Variants in TP63 observed in about 807,000 individuals in gnomAD.
TP63 encodes tumor protein 63.
Under a neutral mutation model 82.8 loss-of-function variants are expected in TP63, and 17 were observed. That is an observed-to-expected ratio of 0.21 (90% confidence interval 0.14 to 0.31). TP63 has a LOEUF of 0.31. Ranked by LOEUF, TP63 falls within the 10% of genes least tolerant of loss-of-function variation. TP63 has a pLI of 1.00. For synonymous variants in TP63, 330 were observed against 321.7 expected, an observed-to-expected ratio of 1.03 and a Z score of -0.28; for missense variants, 648 against 895.3, an observed-to-expected ratio of 0.72 and a Z score of 3.52.
At chr3:189,855,584 A>G (rs1036271347) in intron 4 of TP63, among the ~76,000 whole-genome samples, 1 of 152,128 alleles carries the variant, frequency 6.6e-6, no homozygotes, top group African/African-American at 2.4e-5. Context: ...TCCCTTTTTA[A>G]TACTGTGACA....
At chr3:189,608,065 T>A in the TP63 span, among the ~76,000 whole-genome samples, 1 of 152,196 alleles carries the variant, frequency 6.6e-6, no homozygotes, top group Admixed American at 6.5e-5. Flanking sequence ...GGTTATAAGT[T>A]CATTAATTAC....
intron 4 of TP63, among the ~76,000 whole-genome samples, chr3:189,816,904 A>G (rs1424565428): frequency 6.6e-6 from 1 of 152,124 alleles, no homozygotes; most frequent in East Asian, 1.9e-4. Context: ...GAGACCCTAG[A>G]TCTAATTTAT....
intron 3 of TP63, among the ~76,000 whole-genome samples, chr3:189,755,403 T>G (rs986926609): frequency 2.6e-5 from 4 of 152,086 alleles, no homozygotes. Flanking sequence ...CTATGAACAT[T>G]TTTGGGGTTT....
chr3:189,843,438 C>T (rs780311351), intron 4 of TP63, among the ~76,000 whole-genome samples: 8 of 152,146 alleles, frequency 5.3e-5, no homozygotes, highest in African/African-American at 1.9e-4. Context: ...TGGCAACAGG[C>T]GGCCCTTTGG....
At chr3:189,632,440 G>T (rs1004066493) in intron 1 of TP63, among the ~76,000 whole-genome samples, 1 of 152,074 alleles carries the variant, frequency 6.6e-6, no homozygotes, top group Non-Finnish European at 1.5e-5. Flanking sequence ...CTCTGGGCAG[G>T]ACTCACTTAC....
At chr3:189,738,501 C>T (rs1170096705) in intron 2 of TP63, 141 bp from the exon 3 acceptor site, 1 of 1,242,152 alleles carries the variant, frequency 8.1e-7, no homozygotes, top group Non-Finnish European at 1.1e-6. Context: ...TGAGCCAGGA[C>T]TCAAACCTAG....
intron 1 of TP63, among the ~76,000 whole-genome samples, chr3:189,635,896 A>G (rs1283654453): frequency 6.6e-6 from 1 of 152,118 alleles, no homozygotes; most frequent in Non-Finnish European, 1.5e-5. Flanking sequence ...AGTAATTAAT[A>G]ATATAATTTT....
chr3:189,825,310 T>G (rs1433558279), intron 4 of TP63, among the ~76,000 whole-genome samples: 2 of 152,208 alleles, frequency 1.3e-5, no homozygotes, highest in African/African-American at 4.8e-5. Flanking sequence ...TACACCCTGT[T>G]GGAGTTTGAG....
chr3:189,694,933 G>A lies in TP63; in HGVS notation c.63-42807G>A, dbSNP rs149171041. Among the ~76,000 whole-genome samples the A allele has an allele frequency of 7.1e-3, 1,065 of 150,136 alleles. 4 individuals are homozygous for A. The highest frequency in any genetic ancestry group is 0.013 in the Non-Finnish European group (851 of 67,604). On this transcript the variant is annotated intron_variant, in intron 1 of 13. Coordinates refer to ENST00000264731, the MANE Select transcript of TP63 (RefSeq NM_003722.5). Reference sequence around the variant, plus strand: ...TGATTCTCCTGCCTCAGCCTCCTGAGTAGCTGGGATTACACACGCCCGCCA... The same window carrying A: ...TGATTCTCCTGCCTCAGCCTCCTGAATAGCTGGGATTACACACGCCCGCCA...
chr3:189,874,367 G>T (rs927046635), intron 10 of TP63, among the ~76,000 whole-genome samples: 2 of 152,078 alleles, frequency 1.3e-5, no homozygotes, highest in South Asian at 4.2e-4. Context: ...CCACCGTGCC[G>T]GCCTTGTTAT....
At chr3:189,868,549 A>G (rs1212969046) in intron 7 of TP63, 31 bp from the exon 8 acceptor site, 2 of 1,613,020 alleles carry the variant, frequency 1.2e-6, no homozygotes, top group Non-Finnish European at 1.7e-6. Context: ...TTTGAATTTA[A>G]CTCTTTCTTC....
intron 3 of TP63, among the ~76,000 whole-genome samples, chr3:189,757,808 C>T (rs1362539819): frequency 6.6e-6 from 1 of 152,086 alleles, no homozygotes; most frequent in Non-Finnish European, 1.5e-5. Flanking sequence ...CTATTTCACT[C>T]AAATAATATT....
chr3:189,738,903 A>G (rs952955592), intron 3 of TP63, 129 bp downstream of exon 3: 28 of 1,364,762 alleles, frequency 2.1e-5, no homozygotes, highest in South Asian at 7.5e-5. Flanking sequence ...AAGAGAGTCT[A>G]TGTTGTTAGC....
chr3:189,734,974 T>C (rs1051805946), intron 1 of TP63, among the ~76,000 whole-genome samples: 1 of 152,102 alleles, frequency 6.6e-6, no homozygotes, highest in African/African-American at 2.4e-5. Flanking sequence ...ACATTTCTTT[T>C]GCACACCCCC....
chr3:189,694,471 T>C (rs561713705), intron 1 of TP63, among the ~76,000 whole-genome samples: 1 of 152,312 alleles, frequency 6.6e-6, no homozygotes, highest in South Asian at 2.1e-4. Flanking sequence ...TATTTTCTCA[T>C]ACTTTTCTTG....
rs913904389 is a variant in TP63, at chr3:189,897,011, T to C, written c.*2509T>C. ...TCTTGGTAATCCCCTAAAATAACAG[T>C]ATGTGGGATATTGAATGTTAAAGGG... On this transcript the variant is annotated 3_prime_UTR_variant, in exon 14 of 14. Coordinates refer to ENST00000264731, the MANE Select transcript of TP63 (RefSeq NM_003722.5). 2.6e-5 allele frequency: 6 copies of C among 226,510 alleles called. No individual in the cohort carries two copies. The highest frequency in any genetic ancestry group is 3.5e-5 in the Non-Finnish European group (4 of 113,860). 14.0% of individuals were successfully genotyped at this position (226,510 alleles called of 1,614,324 possible).
intron 3 of TP63, among the ~76,000 whole-genome samples, chr3:189,776,743 A>G (rs1723833275): frequency 6.6e-6 from 1 of 152,222 alleles, no homozygotes; most frequent in African/African-American, 2.4e-5. Context: ...AGCAATTTAA[A>G]AAGGCATCCT....
chr3:189,670,567 G>T (rs905758145), intron 1 of TP63, among the ~76,000 whole-genome samples: 1 of 151,922 alleles, frequency 6.6e-6, no homozygotes, highest in Non-Finnish European at 1.5e-5. Context: ...AGTGAAAGAA[G>T]AAATCATAAA....
chr3:189,781,363 C>CA (rs1724217361), intron 3 of TP63, among the ~76,000 whole-genome samples: 1 of 152,116 alleles, frequency 6.6e-6, no homozygotes. Flanking sequence ...ATGGGAGATT[C>CA]ACAGGTGGGA....
Sources: allele counts gnomAD v4.1 joint callset (sites outside exome capture counted in the v4.1 genomes callset), GRCh38; gene constraint gnomAD v4.1.1; transcripts MANE v1.5; gene names NCBI Gene and HGNC (gene_info 2026-07-23, HGNC 2026-07-21).